The following BIRC5 variants were observed in gnomAD, a reference collection of about 807,000 sequenced individuals.
The protein encoded by BIRC5 is baculoviral IAP repeat-containing protein 5.
BIRC5 carries 8 observed loss-of-function variants against 15.8 expected under a neutral mutation model. That is an observed-to-expected ratio of 0.51 (90% CI 0.30 to 0.91). The LOEUF (loss-of-function observed/expected upper bound fraction) is 0.91. Among genes scored for constraint, BIRC5 ranks in the 40% least tolerant of loss-of-function variants. BIRC5 has a pLI of 0.07. For synonymous variants in BIRC5, 56 were observed against 64.5 expected (o/e 0.87, Z 0.63); for missense variants, 163 against 178.6 (o/e 0.91, Z 0.50).
chr17:78,216,836 A>C, intron 3 of BIRC5, 55 bp downstream of exon 3: 1 of 1,369,488 alleles, frequency 7.3e-7, no homozygotes, highest in African/African-American at 1.4e-5. Context: ...TTAGCACTAA[A>C]CTACCTAGTC....
rs577995481 is a variant in BIRC5 at position 78,218,386 on chromosome 17, C to T, written c.339+1605C>T. 1.0e-4 allele frequency among the ~76,000 whole-genome samples: 15 copies of T among 149,972 alleles called. No homozygotes were observed. In the East Asian group the frequency reaches 1.2e-3, roughly 12 times the overall value. On this transcript the variant is annotated intron_variant, in intron 3 of 3. Transcript: ENST00000350051. ...TCGGCTCACTGCAACCTCTGCCTCC[C>T]GGGGTCAAGCGATTCTCCTGCCTTA...
chr17:78,215,240 A>T (rs2076469375), intron 2 of BIRC5: 1 of 157,396 alleles, frequency 6.4e-6, no homozygotes, highest in African/African-American at 2.4e-5. Flanking sequence ...AACTTGGCGA[A>T]ACCCCGTCTC....
chr17:78,217,864 T>A (rs2076490546), intron 3 of BIRC5, among the ~76,000 whole-genome samples: 1 of 151,822 alleles, frequency 6.6e-6, no homozygotes, highest in Non-Finnish European at 1.5e-5. Context: ...ACACCATAGC[T>A]CACTGCAGCC....
rs186338705 is a variant in BIRC5 at position 78,223,966 on chromosome 17, T to C, written c.*412T>C. On this transcript the variant is annotated 3_prime_UTR_variant, in exon 4 of 4. Transcript: ENST00000350051. ...GTTGAGGCTGTCACAGTCCTGAGTG[T>C]GGACTTGGCAGGTGCCTGTTGAATC... The C allele has an allele frequency of 6.3e-4, 131 of 209,102 alleles. 4 individuals are homozygous for C. In the South Asian group the frequency reaches 0.02, roughly 32 times the overall value. The allele number at this position is 209,102 out of a possible 1,614,324, so 13.0% of individuals were successfully genotyped here. A position where few individuals can be genotyped will look rare whatever the true frequency, so the allele number is the denominator to read the frequency against.
rs1302798928 is a variant in BIRC5, at chr17:78,224,005, C to G, written c.*451C>G. 1 of 182,378 alleles carries G rather than the reference C, an allele frequency of 5.5e-6. No homozygotes were observed. Among genetic ancestry groups the G allele is most frequent in the Non-Finnish European group, 1.1e-5 (1 of 88,792 alleles). 11.3% of individuals were successfully genotyped at this position (182,378 alleles called of 1,614,324 possible). On this transcript the variant is annotated 3_prime_UTR_variant, in exon 4 of 4. Coordinates refer to ENST00000350051, the MANE Select transcript of BIRC5 (RefSeq NM_001168.3). ...GCCTGTTGAATCTGAGCTGCAGGTTCCTTATCTGTCACACCTGTGCCTCCT... is the reference window on the plus strand; with the variant it reads ...GCCTGTTGAATCTGAGCTGCAGGTTGCTTATCTGTCACACCTGTGCCTCCT...
chr17:78,223,049 GCTGGGGTGCCCAGAC>G lies in BIRC5; in HGVS notation c.340-415_340-401del. ...TAGACTAGCTGGGGTGCCTAGACTA[GCTGGGGTGCCCAGAC>G]TAGCTGGGGTGCCTAGACTAGCTGG... On this transcript the variant is annotated intron_variant, in intron 3 of 3. Transcript: ENST00000350051. The G allele has an allele frequency of 5.1e-6, 3 of 587,178 alleles. No individual in the cohort carries two copies. In the Admixed American group the frequency reaches 2.5e-4, roughly 49 times the overall value. The allele number at this position is 587,178 out of a possible 1,614,324, so 36.4% of individuals were successfully genotyped here.
At chr17:78,219,134 A>C (rs1167804796) in intron 3 of BIRC5, among the ~76,000 whole-genome samples, 1 of 152,126 alleles carries the variant, frequency 6.6e-6, no homozygotes, top group Non-Finnish European at 1.5e-5. Context: ...TTTCAGCTTG[A>C]AAATTGTATT....
intron 3 of BIRC5, among the ~76,000 whole-genome samples, chr17:78,218,665 C>T (rs1157410649): frequency 1.3e-5 from 2 of 149,674 alleles, no homozygotes; most frequent in African/African-American, 2.5e-5. Flanking sequence ...TGCAGTGGCA[C>T]GATCTCAGCT....
intron 2 of BIRC5, 176 bp from the exon 3 acceptor site, chr17:78,216,488 C>T: frequency 3.3e-6 from 2 of 600,082 alleles, no homozygotes; most frequent in South Asian, 1.8e-5. Flanking sequence ...CTAAGAGGTG[C>T]CATATGGGAA....
At chr17:78,220,679 A>C (rs2145899021) in intron 3 of BIRC5, among the ~76,000 whole-genome samples, 1 of 152,272 alleles carries the variant, frequency 6.6e-6, no homozygotes, top group South Asian at 2.1e-4. Flanking sequence ...GAATACTTTT[A>C]TGGATTTGTT....
chr17:78,223,747 G>A lies in BIRC5; in HGVS notation c.*193G>A, dbSNP rs2076530732. ...CACCAGAGGTGCTTCTGCCTGTGCA[G>A]CGGGTGCTGCTGGTAACAGTGGCTG... is the stretch of plus-strand genomic sequence containing the variant. On this transcript the variant is annotated 3_prime_UTR_variant, in exon 4 of 4. Transcript: ENST00000350051. 2.4e-6 allele frequency: 3 copies of A among 1,262,692 alleles called. No homozygotes were observed. The East Asian group carries it at 8.6e-5, about 36-fold the overall frequency. The allele number at this position is 1,262,692 out of a possible 1,614,324, so 78.2% of individuals were successfully genotyped here.
chr17:78,225,528 G>GC lies in BIRC5; in HGVS notation c.*1975dup, dbSNP rs995595893. 5 of 152,246 alleles carry GC rather than the reference G, an allele frequency of 3.3e-5. No homozygotes were observed. Among genetic ancestry groups the GC allele is most frequent in the African/African-American group, 1.2e-4 (5 of 41,466 alleles). The allele number at this position is 152,246 out of a possible 1,614,324, so 9.4% of individuals were successfully genotyped here. On this transcript the variant is annotated 3_prime_UTR_variant, in exon 4 of 4. Transcript: ENST00000350051. ...CTGGAAAGTAGAGACAGCAGTGCCC[G>GC]CTGCCCAGAAGAGACCAGCAAGCCA... is the stretch of plus-strand genomic sequence containing the variant.
chr17:78,222,726 G>A, intron 3 of BIRC5: 1 of 1,426,678 alleles, frequency 7.0e-7, no homozygotes, highest in Non-Finnish European at 9.3e-7. Flanking sequence ...ACCCAATAAA[G>A]GTCTTTGTTT....
intron 3 of BIRC5, among the ~76,000 whole-genome samples, chr17:78,219,371 G>C (rs2076501033): frequency 6.6e-6 from 1 of 152,120 alleles, no homozygotes; most frequent in Non-Finnish European, 1.5e-5. Flanking sequence ...TTTTAGTAGA[G>C]ACAGGGTTTT....
At chr17:78,217,256 A>G (rs548903174) in intron 3 of BIRC5, among the ~76,000 whole-genome samples, 1 of 149,104 alleles carries the variant, frequency 6.7e-6, no homozygotes. Context: ...GATCACTGCA[A>G]CCTCCGCCTC....
chr17:78,214,890 C>T, intron 2 of BIRC5, 101 bp downstream of exon 2: 1 of 1,099,116 alleles, frequency 9.1e-7, no homozygotes, highest in Non-Finnish European at 1.3e-6. Flanking sequence ...TGCTTTCCAC[C>T]CTCATTGCTT....
intron 3 of BIRC5, chr17:78,223,097 G>C: frequency 8.5e-7 from 1 of 1,172,256 alleles, no homozygotes; most frequent in East Asian, 2.6e-5. Context: ...TGGGTACTTT[G>C]AGTGGCTCCT....
At chr17:78,216,106 G>C in intron 2 of BIRC5, 1 of 396,840 alleles carries the variant, frequency 2.5e-6, no homozygotes, top group Non-Finnish European at 3.5e-6. Flanking sequence ...AAAATTAGCC[G>C]GGCGTGGTGG....
At chr17:78,222,726 G>C in intron 3 of BIRC5, 2 of 1,426,678 alleles carry the variant, frequency 1.4e-6, no homozygotes, top group South Asian at 2.7e-5. Flanking sequence ...ACCCAATAAA[G>C]GTCTTTGTTT....
Sources: allele counts gnomAD v4.1 joint callset (sites outside exome capture counted in the v4.1 genomes callset), GRCh38; gene constraint gnomAD v4.1.1; transcripts MANE v1.5; gene names NCBI Gene and HGNC (gene_info 2026-07-23, HGNC 2026-07-21).